HSD17B13: variants seen among roughly 807,000 people sequenced by gnomAD.
HSD17B13 encodes the protein 17-beta-hydroxysteroid dehydrogenase 13.
HSD17B13 carries 26 observed loss-of-function variants against 31.1 expected under a neutral mutation model. The ratio of observed to expected loss-of-function variants is 0.84; its 90% CI spans 0.61 to 1.16. The LOEUF (loss-of-function observed/expected upper bound fraction) is 1.16. HSD17B13 is among the 50% of genes most tolerant of loss of function. The pLI is 0.00. For missense variants in HSD17B13, 374 were observed against 366.5 expected (o/e 1.02, Z -0.17); for synonymous variants, 141 against 133.7 (o/e 1.05, Z -0.38).
intron 6 of HSD17B13, among the ~76,000 whole-genome samples, chr4:87,307,244 T>C (rs1449045757): frequency 6.6e-6 from 1 of 152,222 alleles, no homozygotes; most frequent in Non-Finnish European, 1.5e-5. Context: ...TAACAATATA[T>C]ACCTGTTGCC....
Position 87,305,275 on chromosome 4 carries a change from A to AT in HSD17B13, c.845dup (p.Asn282LysfsTer9). ...CTTCAAATTGAATATTCTGCATACG[A>AT]TTTAAAATCGCTGAGGCGCGTTCAG... On this transcript the variant is annotated frameshift_variant, in exon 7 of 7. Transcript: ENST00000328546. LOFTEE classifies it high-confidence loss of function. 1 of 1,607,738 alleles carries AT rather than the reference A, an allele frequency of 6.2e-7. No individual in the cohort carries two copies.
rs1734360719 is a variant in HSD17B13, at chr4:87,305,188, T to G, written c.*30A>C. The G allele has an allele frequency of 7.4e-7, 1 of 1,350,830 alleles. No homozygotes were observed. The highest frequency in any genetic ancestry group is 2.3e-5 in the East Asian group (1 of 43,452). The allele number at this position is 1,350,830 out of a possible 1,614,324, so 83.7% of individuals were successfully genotyped here. ...TTCGAAACTATTCATATCATTATCA[T>G]GCATACATCTCTGGCTGGAGCTTAT... On this transcript the variant is annotated 3_prime_UTR_variant, in exon 7 of 7. Transcript: ENST00000328546.
chr4:87,311,017 G>A (rs956925698), intron 5 of HSD17B13, among the ~76,000 whole-genome samples: 1 of 147,704 alleles, frequency 6.8e-6, no homozygotes, highest in African/African-American at 2.4e-5. Flanking sequence ...AAACCAAGAT[G>A]GTGATGAAAG....
chr4:87,308,952 G>A (rs1047954679), intron 6 of HSD17B13, among the ~76,000 whole-genome samples: 16 of 130,354 alleles, frequency 1.2e-4, no homozygotes, highest in African/African-American at 4.6e-4. Context: ...AAAGCTTATC[G>A]AGTTTAGCAA....
Position 87,305,188 on chromosome 4 carries a change from T to C in HSD17B13, c.*30A>G. ...TTCGAAACTATTCATATCATTATCA[T>C]GCATACATCTCTGGCTGGAGCTTAT... On this transcript the variant is annotated 3_prime_UTR_variant, in exon 7 of 7. Coordinates refer to ENST00000328546, the MANE Select transcript of HSD17B13 (RefSeq NM_178135.5). 3 of 1,350,830 alleles carry C rather than the reference T, an allele frequency of 2.2e-6. No individual in the cohort carries two copies. Among genetic ancestry groups the C allele is most frequent in the South Asian group, 2.5e-5 (2 of 80,588 alleles). The allele number at this position is 1,350,830 out of a possible 1,614,324, so 83.7% of individuals were successfully genotyped here.
At chr4:87,310,634 G>A (rs921286657) in intron 5 of HSD17B13, among the ~76,000 whole-genome samples, 3 of 152,190 alleles carry the variant, frequency 2.0e-5, no homozygotes, top group Non-Finnish European at 4.4e-5. Flanking sequence ...TAGATGGTAA[G>A]GAGTAGTGGA....
At position 87,317,211 on chromosome 4, in the gene HSD17B13, C is replaced by T. The variant is rs372816850; in HGVS notation, c.331G>A (p.Val111Met). 6.2e-7 allele frequency: 1 copy of T among 1,613,946 alleles called. No homozygotes were observed. Among genetic ancestry groups the T allele is most frequent in the Non-Finnish European group, 8.5e-7 (1 of 1,179,954 alleles). ...YRSLNQVKKE[V>M]GDVTIVVNNA... ...TTCACCACGATTGTTACATCACCCA[C>T]TTCTTTCTTCACCTTTTGAAATTGA... Residue 111 changes from valine (V) to methionine (M), a missense_variant, in exon 3 of 7, where the codon GTG (valine) becomes ATG (methionine). Transcript: ENST00000328546.
chr4:87,309,103 C>A (rs967020618), intron 6 of HSD17B13, among the ~76,000 whole-genome samples: 6 of 152,082 alleles, frequency 3.9e-5, no homozygotes, highest in African/African-American at 1.4e-4. Flanking sequence ...TCAAATAGGG[C>A]TGGGCATGAT....
chr4:87,314,669 A>ACT (rs1230388466), intron 4 of HSD17B13, among the ~76,000 whole-genome samples: 1 of 150,680 alleles, frequency 6.6e-6, no homozygotes, highest in African/African-American at 2.4e-5. Context: ...ACACACACAC[A>ACT]CTTTCATGGC....
Position 87,315,496 on chromosome 4 carries a change from T to A in HSD17B13, c.554A>T (p.Tyr185Phe), listed in dbSNP as rs1396519262. Residue 185 changes from tyrosine to phenylalanine, a missense_variant, in exon 4 of 7, where the codon TAT (tyrosine) becomes TTT (phenylalanine). By Grantham distance (22) the Tyr-to-Phe change is conservative (BLOSUM62 3). Transcript: ENST00000328546. ...ATGGCTGGCATGTGATACTTACCAA[T>A]ATGGGATGAGGTAAGGAATCCCTTC... ...GHEGIPYLIPYCSSKFAAVGF... is the reference protein window; with the variant it reads ...GHEGIPYLIPFCSSKFAAVGF... 4 of 1,576,938 alleles carry A rather than the reference T, an allele frequency of 2.5e-6. No individual in the cohort carries two copies. The East Asian group carries it at 6.7e-5, about 27-fold the overall frequency.
At chr4:87,305,429 G>T in intron 6 of HSD17B13, 121 bp from the exon 7 acceptor site, 1 of 494,762 alleles carries the variant, frequency 2.0e-6, no homozygotes, top group Non-Finnish European at 3.4e-6. Flanking sequence ...ACTTTCCTCC[G>T]TTCTTTTCTT....
intron 6 of HSD17B13, among the ~76,000 whole-genome samples, chr4:87,306,913 A>G (rs1734402882): frequency 2.5e-5 from 3 of 121,380 alleles, no homozygotes; most frequent in African/African-American, 7.8e-5. Context: ...TCTAAAAAAA[A>G]AAAAAAAAAA....
At chr4:87,319,317 A>AACAAT (rs1734728262) in intron 1 of HSD17B13, among the ~76,000 whole-genome samples, 1 of 152,052 alleles carries the variant, frequency 6.6e-6, no homozygotes, top group South Asian at 2.1e-4. Flanking sequence ...AACAAAACAA[A>AACAAT]ATCCCTTCAT....
chr4:87,320,767 C>T (rs1038054800), intron 1 of HSD17B13, among the ~76,000 whole-genome samples: 6 of 152,200 alleles, frequency 3.9e-5, no homozygotes, highest in Non-Finnish European at 8.8e-5. Flanking sequence ...CTTGCTTTAG[C>T]TTAAACTCCA....
At chr4:87,309,061 T>A (rs1470604583) in intron 6 of HSD17B13, among the ~76,000 whole-genome samples, 2 of 152,066 alleles carry the variant, frequency 1.3e-5, no homozygotes, top group African/African-American at 4.8e-5. Flanking sequence ...TAAAATTTTT[T>A]AAAATGCCAC....
At position 87,317,569 on chromosome 4, in the gene HSD17B13, T is replaced by TTTTTTTTC. The variant is rs1553956432; in HGVS notation, c.319-347_319-346insGAAAAAAA. Among the ~76,000 whole-genome samples, 44 of 119,658 alleles carry TTTTTTTTC rather than the reference T, an allele frequency of 3.7e-4. 1 individual carries two copies. The highest frequency in any genetic ancestry group is 1.5e-3 in the African/African-American group (42 of 28,254). 78.5% of individuals were successfully genotyped at this position (119,658 alleles called of 152,430 possible). On this transcript the variant is annotated intron_variant, in intron 2 of 6. Transcript: ENST00000328546. ...AAATGTGTTTTTCTTTAAACTTTTT[T>TTTTTTTTC]TTTTTTTTTTTTTTTTTTTTTTAGA...
At position 87,306,837 on chromosome 4, in the gene HSD17B13, G is replaced by A. The variant is rs565651059; in HGVS notation, c.813-1529C>T. On this transcript the variant is annotated intron_variant, in intron 6 of 6. Coordinates refer to ENST00000328546, the MANE Select transcript of HSD17B13 (RefSeq NM_178135.5). ...CAGGAGAATTGCTTGAACTCAGGAG[G>A]TGGAGGTTACAGTGAGCTGAGATCA... Among the ~76,000 whole-genome samples, 9 of 149,262 alleles carry A rather than the reference G, an allele frequency of 6.0e-5. No homozygotes were observed. The East Asian group carries it at 1.2e-3, about 20-fold the overall frequency.
Position 87,315,558 on chromosome 4 carries a change from A to G in HSD17B13, c.492T>C (p.His164=), listed in dbSNP as rs755784234. 1.1e-5 allele frequency: 17 copies of G among 1,611,258 alleles called. No individual in the cohort carries two copies. Among genetic ancestry groups the G allele is most frequent in the Non-Finnish European group, 1.4e-5 (16 of 1,177,792 alleles). The change falls in exon 4 of 7, where the codon CAT becomes CAC. Residue 164 remains histidine (H), a synonymous_variant. Coordinates refer to ENST00000328546, the MANE Select transcript of HSD17B13 (RefSeq NM_178135.5). ...ALLPSMMERN[H]GHIVTVASVC... Reference sequence around the variant, plus strand: ...CTGAAGCCACTGTGACGATGTGGCCATGATTTCTCTCCATCATCGATGGAA... The same window carrying G: ...CTGAAGCCACTGTGACGATGTGGCCGTGATTTCTCTCCATCATCGATGGAA...
chr4:87,308,533 A>AAAAAAAG (rs1242368919), intron 6 of HSD17B13, among the ~76,000 whole-genome samples: 1 of 99,400 alleles, frequency 1.0e-5, no homozygotes, highest in Non-Finnish European at 2.0e-5. Flanking sequence ...AAAAAAAAAT[A>AAAAAAAG]AGCTGGGCAT....
Sources: allele counts gnomAD v4.1 joint callset (sites outside exome capture counted in the v4.1 genomes callset), GRCh38; gene constraint gnomAD v4.1.1; transcripts MANE v1.5; gene names NCBI Gene and HGNC (gene_info 2026-07-23, HGNC 2026-07-21).